The following SUPT5H variants were observed in gnomAD, a reference collection of about 807,000 sequenced individuals.
SUPT5H encodes the protein transcription elongation factor SPT5.
SUPT5H carries 24 observed loss-of-function variants against 142.5 expected under a neutral mutation model. The observed-to-expected ratio is 0.17, with a 90% confidence interval of 0.12 to 0.24. The LOEUF (loss-of-function observed/expected upper bound fraction) is 0.24. SUPT5H is among the 10% of genes least tolerant of loss of function. The pLI, the probability that SUPT5H is intolerant of heterozygous loss-of-function variation, is 1.00. For missense variants in SUPT5H, 893 were observed against 1,471.8 expected (o/e 0.61, Z 6.43); for synonymous variants, 546 against 553.0 (o/e 0.99, Z 0.18).
At position 39,471,588 on chromosome 19, in the gene SUPT5H, C is replaced by G. The variant is rs1253318895; in HGVS notation, c.1825-17C>G. ...GGGGGACATGGTCAAGAGAGTGACC[C>G]TTCTCTCCCCGGCTAGGGCCGAGAA... On this transcript the variant is annotated splice_polypyrimidine_tract_variant and intron_variant, in intron 19 of 29. Coordinates refer to ENST00000432763, the MANE Select transcript of SUPT5H (RefSeq NM_001111020.3). The G allele has an allele frequency of 6.2e-7, 1 of 1,614,118 alleles. No homozygotes were observed.
intron 3 of SUPT5H, among the ~76,000 whole-genome samples, chr19:39,456,979 C>T (rs1449696835): frequency 1.3e-5 from 2 of 152,238 alleles, no homozygotes; most frequent in African/African-American, 4.8e-5. Context: ...TTAATTGATA[C>T]TTACATCCTC....
chr19:39,455,642 A>T (rs1157935255), intron 3 of SUPT5H, among the ~76,000 whole-genome samples: 4 of 141,140 alleles, frequency 2.8e-5, no homozygotes, highest in African/African-American at 1.0e-4. Context: ...TTTTTTTTTG[A>T]GATGGAGTTT....
At position 39,471,491 on chromosome 19, in the gene SUPT5H, T is replaced by C. The variant is rs1394775602; in HGVS notation, c.1812T>C (p.Asp604=). Residue 604 remains aspartate (D), a synonymous_variant, in exon 19 of 30, where the codon GAT becomes GAC. Coordinates refer to ENST00000432763, the MANE Select transcript of SUPT5H (RefSeq NM_001111020.3). ...IHVKDIVKVI[D]GPHSGREGEI... Reference sequence around the variant, plus strand: ...TGAAAGACATCGTTAAGGTCATTGATGGCCCCCACTCAGTGAGTACAAGTT... The same window carrying C: ...TGAAAGACATCGTTAAGGTCATTGACGGCCCCCACTCAGTGAGTACAAGTT... 1.9e-6 allele frequency: 3 copies of C among 1,614,130 alleles called. No homozygotes were observed. The highest frequency in any genetic ancestry group is 2.5e-6 in the Non-Finnish European group (3 of 1,180,048).
In SUPT5H at chr19:39,458,010, G is replaced by A; in HGVS notation, c.307+270G>A. On this transcript the variant is annotated intron_variant, in intron 4 of 29. Coordinates refer to ENST00000432763, the MANE Select transcript of SUPT5H (RefSeq NM_001111020.3). This position sits in a 1 kb window ranked among gnomAD's most constrained non-coding sequence, Gnocchi z 4.2. ...GAATCCCTTCTGGGGTTGTAGGGTG[G>A]GCGAGCTCTGTCCCAAGATACCCCC... 1 of 743,404 alleles carries A rather than the reference G, an allele frequency of 1.3e-6. No homozygotes were observed. The highest frequency in any genetic ancestry group is 1.7e-5 in the South Asian group (1 of 58,518). The allele number at this position is 743,404 out of a possible 1,614,324, so 46.1% of individuals were successfully genotyped here. A position where few individuals can be genotyped will look rare whatever the true frequency, so the allele number is the denominator to read the frequency against.
chr19:39,451,477 G>A (rs1223470839), intron 2 of SUPT5H, among the ~76,000 whole-genome samples: 2 of 152,002 alleles, frequency 1.3e-5, no homozygotes, highest in Non-Finnish European at 2.9e-5. Flanking sequence ...TGACCTTTGA[G>A]CATTATGTCA....
At position 39,453,462 on chromosome 19, in the gene SUPT5H, A is replaced by G. The variant is rs2079046363; in HGVS notation, c.182A>G (p.Glu61Gly). ...GAATACGATGAGGAAGAGGAGGAAG[A>G]AGATGATGACCGACCCCCCAAGAAA... The part of the protein sequence containing the change: ...EEEYDEEEEE[E>G]DDDRPPKKPR... Residue 61 changes from glutamate to glycine, a missense_variant, in exon 3 of 30, where the codon GAA becomes GGA. Physicochemically the swap from Glu to Gly is moderately conservative, Grantham distance 98 (BLOSUM62 -2). Around this residue, in one of 6 missense-constraint regions of SUPT5H, gnomAD observed 19 missense variants for 27.2 expected, o/e 0.70. Transcript: ENST00000432763. 1 of 1,555,194 alleles carries G rather than the reference A, an allele frequency of 6.4e-7. No individual in the cohort carries two copies. Among genetic ancestry groups the G allele is most frequent in the Non-Finnish European group, 8.7e-7 (1 of 1,148,732 alleles).
chr19:39,461,865 G>T (rs2079167731), intron 10 of SUPT5H, among the ~76,000 whole-genome samples: 1 of 150,880 alleles, frequency 6.6e-6, no homozygotes, highest in Non-Finnish European at 1.5e-5. Context: ...ATTAAAAGAA[G>T]TGTGCTCAAA....
chr19:39,473,669 G>A lies in SUPT5H; in HGVS notation c.2492+148G>A. ...TGGTCCCTTTGAAGGAGGAGGCATA[G>A]CATGGCGGGGCGGGGGCAAAGCGGC... On this transcript the variant is annotated intron_variant, in intron 25 of 29. Coordinates refer to ENST00000432763, the MANE Select transcript of SUPT5H (RefSeq NM_001111020.3). This position sits in a 1 kb window ranked among gnomAD's most constrained non-coding sequence, Gnocchi z 5.8. 1 of 1,013,790 alleles carries A rather than the reference G, an allele frequency of 9.9e-7. No homozygotes were observed. Among genetic ancestry groups the A allele is most frequent in the Non-Finnish European group, 1.4e-6 (1 of 706,362 alleles). The allele number at this position is 1,013,790 out of a possible 1,614,324, so 62.8% of individuals were successfully genotyped here.
chr19:39,457,196 C>A (rs1055221578), intron 3 of SUPT5H, among the ~76,000 whole-genome samples: 1 of 152,158 alleles, frequency 6.6e-6, no homozygotes, highest in Admixed American at 6.5e-5. Flanking sequence ...ATAGGAACAA[C>A]GATAGTGCCT....
chr19:39,459,625 G>A (rs758371189), intron 9 of SUPT5H, 36 bp downstream of exon 9: 2 of 1,613,002 alleles, frequency 1.2e-6, no homozygotes, highest in East Asian at 4.5e-5. Context: ...GAGGAGGTGG[G>A]AGAATGAGGG....
chr19:39,458,127 C>A lies in SUPT5H; in HGVS notation c.308-167C>A. ...TTCTCCCCAACCACCTGGTGCCTGG[C>A]CTTTACTTTTGGTTTTCAACCTTTC... On this transcript the variant is annotated intron_variant, in intron 4 of 29. Coordinates refer to ENST00000432763, the MANE Select transcript of SUPT5H (RefSeq NM_001111020.3). This position sits in a 1 kb window ranked among gnomAD's most constrained non-coding sequence, Gnocchi z 4.2. 2 of 1,197,868 alleles carry A rather than the reference C, an allele frequency of 1.7e-6. No individual in the cohort carries two copies. Among genetic ancestry groups the A allele is most frequent in the South Asian group, 3.0e-5 (2 of 66,042 alleles). 74.2% of individuals were successfully genotyped at this position (1,197,868 alleles called of 1,614,324 possible). A position where few individuals can be genotyped will look rare whatever the true frequency, so the allele number is the denominator to read the frequency against.
chr19:39,472,333 C>A lies in SUPT5H; in HGVS notation c.1951-76C>A. On this transcript the variant is annotated intron_variant, in intron 20 of 29. Coordinates refer to ENST00000432763, the MANE Select transcript of SUPT5H (RefSeq NM_001111020.3). This position sits in a 1 kb window ranked among gnomAD's most constrained non-coding sequence, Gnocchi z 4.2. ...TGGGTGGTCTCCTCAGGGCCCTGCA[C>A]GTGGGATGATGAGTTCCTGTGGTTT... 1.4e-6 allele frequency: 2 copies of A among 1,445,390 alleles called. No individual in the cohort carries two copies. Among genetic ancestry groups the A allele is most frequent in the Non-Finnish European group, 1.9e-6 (2 of 1,031,932 alleles). The allele number at this position is 1,445,390 out of a possible 1,614,324, so 89.5% of individuals were successfully genotyped here. A position where few individuals can be genotyped will look rare whatever the true frequency, so the allele number is the denominator to read the frequency against.
At chr19:39,461,179 A>G (rs1253317096) in intron 10 of SUPT5H, among the ~76,000 whole-genome samples, 1 of 152,060 alleles carries the variant, frequency 6.6e-6, no homozygotes, top group Non-Finnish European at 1.5e-5. Flanking sequence ...AATCCCAGCT[A>G]CTTGGGAGGC....
At chr19:39,462,839 C>CTTTTCTT (rs2079180692) in intron 10 of SUPT5H, among the ~76,000 whole-genome samples, 1 of 110,354 alleles carries the variant, frequency 9.1e-6, no homozygotes, top group African/African-American at 3.6e-5. Context: ...CCTTAATTTT[C>CTTTTCTT]TTTTTTTTTT....
At position 39,465,172 on chromosome 19, in the gene SUPT5H, C is replaced by T. The variant is rs148873776; in HGVS notation, c.876+123C>T. On this transcript the variant is annotated intron_variant, in intron 11 of 29. Coordinates refer to ENST00000432763, the MANE Select transcript of SUPT5H (RefSeq NM_001111020.3). Reference sequence around the variant, plus strand: ...AGAATCCCACTCAGATGAGTTGAAGCAGAGCCTGGGTTTTGTGAGCACACA... The same window carrying T: ...AGAATCCCACTCAGATGAGTTGAAGTAGAGCCTGGGTTTTGTGAGCACACA... The T allele has an allele frequency of 2.6e-5, 37 of 1,402,026 alleles. 1 individual carries two copies. The African/African-American group carries it at 5.2e-4, about 20-fold the overall frequency. 86.8% of individuals were successfully genotyped at this position (1,402,026 alleles called of 1,614,324 possible).
At chr19:39,475,493 C>T (rs1444695640) in intron 28 of SUPT5H, among the ~76,000 whole-genome samples, 2 of 151,566 alleles carry the variant, frequency 1.3e-5, no homozygotes, top group South Asian at 4.2e-4. Flanking sequence ...CGCCGGAGAG[C>T]CATGAAGGAA....
At chr19:39,471,795 G>C in intron 20 of SUPT5H, 65 bp downstream of exon 20, 1 of 1,551,788 alleles carries the variant, frequency 6.4e-7, no homozygotes, top group Non-Finnish European at 8.7e-7. Flanking sequence ...GCCTCCTCTG[G>C]CCCCAGAAGT....
Position 39,472,289 on chromosome 19 carries a change from G to T in SUPT5H, c.1951-120G>T. The T allele has an allele frequency of 1.1e-6, 1 of 904,806 alleles. No homozygotes were observed. The highest frequency in any genetic ancestry group is 2.4e-5 in the East Asian group (1 of 40,952). 56.0% of individuals were successfully genotyped at this position (904,806 alleles called of 1,614,324 possible). ...GGACCAGCTGTCACAGAGGAATTCAGGCCTGGGGTGTGGGTGGCTGGGTGG... is the reference window on the plus strand; with the variant it reads ...GGACCAGCTGTCACAGAGGAATTCATGCCTGGGGTGTGGGTGGCTGGGTGG... On this transcript the variant is annotated intron_variant, in intron 20 of 29. Coordinates refer to ENST00000432763, the MANE Select transcript of SUPT5H (RefSeq NM_001111020.3). This position sits in a 1 kb window ranked among gnomAD's most constrained non-coding sequence, Gnocchi z 4.2.
chr19:39,463,063 G>A (rs1600712461), intron 10 of SUPT5H, among the ~76,000 whole-genome samples: 1 of 123,282 alleles, frequency 8.1e-6, no homozygotes, highest in Admixed American at 9.3e-5. Flanking sequence ...TCACCATGTT[G>A]GCCAGGCTGA....
Sources: allele counts gnomAD v4.1 joint callset (sites outside exome capture counted in the v4.1 genomes callset), GRCh38; gene constraint gnomAD v4.1.1; regional missense constraint gnomAD v4.1.1; non-coding constraint Gnocchi (gnomAD v3.1); transcripts MANE v1.5; gene names NCBI Gene and HGNC (gene_info 2026-07-23, HGNC 2026-07-21).